Variants in PABIR3 observed in about 807,000 individuals in gnomAD.
The protein encoded by PABIR3 is PABIR family member 1.
In PABIR3, 20 loss-of-function variants were observed where a neutral mutation model predicts 23.1. The ratio of observed to expected loss-of-function variants is 0.86; its 90% confidence interval spans 0.61 to 1.26. The LOEUF (loss-of-function observed/expected upper bound fraction) is 1.26. Ranked by LOEUF, PABIR3 falls within the 50% of genes most tolerant of loss-of-function variation. The pLI is 0.00. For missense variants in PABIR3, 189 were observed against 195.4 expected (o/e 0.97, Z 0.20); for synonymous variants, 69 against 68.5 (o/e 1.01, Z -0.04).
intron 3 of PABIR3, among the ~76,000 whole-genome samples, chrX:134,824,814 GA>G (rs1442099209): frequency 9.1e-5 from 10 of 110,299 alleles, no homozygotes; most frequent in Non-Finnish European, 1.7e-4. Context: ...CTCAAAAAAA[GA>G]AAAAAGAAAA....
In PABIR3 at chrX:134,845,328, G is replaced by C. The variant is rs1164498795; in HGVS notation, c.291-19G>C. 8.3e-7 allele frequency: 1 copy of C among 1,203,558 alleles called. No individual in the cohort carries two copies. Among genetic ancestry groups the C allele is most frequent in the Non-Finnish European group, 1.1e-6 (1 of 892,075 alleles). On this transcript the variant is annotated intron_variant, in intron 5 of 10. Coordinates refer to ENST00000645433, the MANE Select transcript of PABIR3 (RefSeq NM_001388447.1). The stretch of plus-strand genomic sequence containing the variant: ...TTTTCTTTCAGATAGGCAAACTGCA[G>C]TTTTGATTTCTTTTGTAGGAAGCTA...
At chrX:134,821,528 C>G (rs1234079993) in intron 3 of PABIR3, 2 of 1,152,424 alleles carry the variant, frequency 1.7e-6, no homozygotes, top group South Asian at 3.8e-5. Context: ...TCCCCACCCC[C>G]TCCTCTTCCA....
downstream of PABIR3, among the ~76,000 whole-genome samples, chrX:134,859,463 T>G (rs1366266414): frequency 9.0e-6 from 1 of 111,596 alleles, no homozygotes; most frequent in African/African-American, 3.3e-5. Flanking sequence ...TTGTTTTGTG[T>G]GAATAAATGA....
Position 134,841,504 on chromosome X carries a change from A to T in PABIR3, c.247-3701A>T, listed in dbSNP as rs780159806. ...ATATAAAGTAGAAATATAAAAAAGG[A>T]TGAGATAAGGATGAAACGATGTTTT... On this transcript the variant is annotated intron_variant, in intron 4 of 10. Transcript: ENST00000645433. Among the ~76,000 whole-genome samples, 17 of 111,853 alleles carry T rather than the reference A, an allele frequency of 1.5e-4. 1 individual carries two copies. The Middle Eastern group carries it at 0.014, about 91-fold the overall frequency.
At chrX:134,836,307 C>T (rs959343563) in intron 4 of PABIR3, among the ~76,000 whole-genome samples, 4 of 112,120 alleles carry the variant, frequency 3.6e-5, no homozygotes, top group Non-Finnish European at 5.6e-5. Flanking sequence ...CCAAAAGATC[C>T]GAATGCATTC....
At chrX:134,845,822 A>G (rs190289902) in intron 6 of PABIR3, among the ~76,000 whole-genome samples, 265 of 112,512 alleles carry the variant, frequency 2.4e-3, no homozygotes, top group African/African-American at 8.0e-3. Flanking sequence ...CTGTCCTAGT[A>G]GGCATAATAA....
At chrX:134,801,498 T>C (rs1295096107) in intron 1 of PABIR3, among the ~76,000 whole-genome samples, 1 of 112,718 alleles carries the variant, frequency 8.9e-6, no homozygotes, top group Non-Finnish European at 1.9e-5. Context: ...GTTGGGATTA[T>C]GTCCCAGGGA....
rs183474229 is a variant in PABIR3 at position 134,831,981 on chromosome X, T to C, written c.246+2699T>C. ...TGTTTTAATTTTTACCTCCCACAAA[T>C]AAGCAAGAACATGAGGCTGGGCGCA... On this transcript the variant is annotated intron_variant, in intron 4 of 10. Coordinates refer to ENST00000645433, the MANE Select transcript of PABIR3 (RefSeq NM_001388447.1). Among the ~76,000 whole-genome samples the C allele has an allele frequency of 5.2e-3, 574 of 111,241 alleles. 4 individuals carry two copies. The highest frequency in any genetic ancestry group is 6.9e-3 in the Non-Finnish European group (368 of 53,060).
chrX:134,861,341 G>T, the PABIR3 span, among the ~76,000 whole-genome samples: 8 of 110,118 alleles, frequency 7.3e-5, no homozygotes, highest in Admixed American at 2.0e-4. Flanking sequence ...CTACTGAATT[G>T]TATACCTAAG....
chrX:134,857,213 C>T (rs1372934620), downstream of PABIR3, among the ~76,000 whole-genome samples: 1 of 111,407 alleles, frequency 9.0e-6, no homozygotes, highest in South Asian at 3.8e-4. Flanking sequence ...CAAGGAGTCA[C>T]CTGGGTTGGT....
intron 3 of PABIR3, among the ~76,000 whole-genome samples, chrX:134,818,340 G>A (rs2081090339): frequency 9.0e-6 from 1 of 111,262 alleles, no homozygotes; most frequent in Non-Finnish European, 1.9e-5. Flanking sequence ...AGTATAGAAA[G>A]AGCAGAGAAG....
At chrX:134,805,362 C>A (rs1267069452), upstream of PABIR3, among the ~76,000 whole-genome samples, 4 of 112,298 alleles carry the variant, frequency 3.6e-5, no homozygotes, top group Admixed American at 9.4e-5. Context: ...TATTACTAAT[C>A]TGTCTTATAT....
At chrX:134,864,177 A>C in the PABIR3 span, among the ~76,000 whole-genome samples, 1 of 109,619 alleles carries the variant, frequency 9.1e-6, no homozygotes, top group Non-Finnish European at 1.9e-5. Flanking sequence ...CAGCTTCCCA[A>C]GTAGCTGGGA....
intron 9 of PABIR3, among the ~76,000 whole-genome samples, chrX:134,851,683 G>C (rs1171467768): frequency 5.4e-5 from 6 of 112,087 alleles, no homozygotes; most frequent in Admixed American, 4.8e-4. Flanking sequence ...AATATGTTTT[G>C]ATTTGTCATG....
chrX:134,821,007 G>A (rs1179115842), intron 3 of PABIR3, among the ~76,000 whole-genome samples: 1 of 105,216 alleles, frequency 9.5e-6, no homozygotes, highest in Non-Finnish European at 1.9e-5. Flanking sequence ...GGGCGACAGA[G>A]ACAGACTCCA....
upstream of PABIR3, among the ~76,000 whole-genome samples, chrX:134,806,235 C>T (rs905067177): frequency 1.8e-5 from 2 of 112,503 alleles, no homozygotes; most frequent in Non-Finnish European, 3.7e-5. Context: ...AAAAGCCTCA[C>T]TGCTTTAACT....
At chrX:134,821,715 A>C (rs2081305080) in intron 3 of PABIR3, 1 of 989,981 alleles carries the variant, frequency 1.0e-6, no homozygotes, top group Admixed American at 3.4e-5. Flanking sequence ...AGCATGTAAT[A>C]CATTCCTGAT....
At chrX:134,797,577 G>A (rs995099102) in intron 1 of PABIR3, among the ~76,000 whole-genome samples, 13 of 111,453 alleles carry the variant, frequency 1.2e-4, no homozygotes, top group Non-Finnish European at 2.1e-4. Context: ...CATCCATTCG[G>A]ATGCACTAGA....
chrX:134,821,405 G>A (rs370839543), intron 3 of PABIR3: 15 of 1,154,448 alleles, frequency 1.3e-5, no homozygotes, highest in South Asian at 9.5e-5. Flanking sequence ...CTCCCAAATC[G>A]CCCCTTTGCT....
Sources: allele counts gnomAD v4.1 joint callset (sites outside exome capture counted in the v4.1 genomes callset), GRCh38; gene constraint gnomAD v4.1.1; transcripts MANE v1.5; gene names NCBI Gene and HGNC (gene_info 2026-07-23, HGNC 2026-07-21).